The following SLC24A2 variants were observed in gnomAD, a reference collection of about 807,000 sequenced individuals.
SLC24A2 encodes sodium/potassium/calcium exchanger 2.
Under a neutral mutation model 62.0 loss-of-function variants are expected in SLC24A2, and 36 were observed. The observed-to-expected ratio is 0.58, with a 90% CI of 0.44 to 0.77. The LOEUF (loss-of-function observed/expected upper bound fraction) is 0.77, where lower values mean the gene tolerates loss of function less well. SLC24A2 is among the 30% of genes least tolerant of loss of function. The probability of loss-of-function intolerance (pLI) is 0.00; values close to 1 mark genes in which losing one functional copy is unlikely to be tolerated. For synonymous variants in SLC24A2, 358 were observed against 294.0 expected, an observed-to-expected ratio of 1.22 and a Z score of -2.23; for missense variants, 846 against 817.9, an observed-to-expected ratio of 1.03 and a Z score of -0.42.
chr9:19,966,454 T>C, the SLC24A2 span, among the ~76,000 whole-genome samples: 2 of 152,222 alleles, frequency 1.3e-5, no homozygotes, highest in East Asian at 3.8e-4. Context: ...TTAGAGCCAA[T>C]AATTTCTTGT....
intron 2 of SLC24A2, among the ~76,000 whole-genome samples, chr9:19,715,776 T>C (rs1205562519): frequency 6.6e-6 from 1 of 152,270 alleles, no homozygotes; most frequent in Non-Finnish European, 1.5e-5. Flanking sequence ...ATGCTGATTA[T>C]GTACAAAGCC....
At chr9:20,078,128 A>G in the SLC24A2 span, among the ~76,000 whole-genome samples, 2 of 152,106 alleles carry the variant, frequency 1.3e-5, no homozygotes, top group African/African-American at 2.4e-5. Context: ...TGATTAACCT[A>G]TAGGCTGCCC....
chr9:19,531,309 C>G (rs1833698467), intron 8 of SLC24A2, among the ~76,000 whole-genome samples: 1 of 152,186 alleles, frequency 6.6e-6, no homozygotes, highest in Admixed American at 6.5e-5. Flanking sequence ...CCAGTAGCAA[C>G]TGTACAGTCA....
chr9:19,859,621 T>C, the SLC24A2 span, among the ~76,000 whole-genome samples: 1 of 152,164 alleles, frequency 6.6e-6, no homozygotes, highest in African/African-American at 2.4e-5. Flanking sequence ...TAAATCACCT[T>C]GTAAGAACCA....
intron 2 of SLC24A2, among the ~76,000 whole-genome samples, chr9:19,686,602 C>T (rs1056537724): frequency 8.5e-5 from 13 of 152,070 alleles, no homozygotes; most frequent in Non-Finnish European, 1.9e-4. Flanking sequence ...AGTGAGTTCT[C>T]ACAAGATCTA....
At chr9:20,035,808 T>G in the SLC24A2 span, among the ~76,000 whole-genome samples, 1 of 152,070 alleles carries the variant, frequency 6.6e-6, no homozygotes. Context: ...CTTTGAAAGG[T>G]TTAAAAGTTG....
the SLC24A2 span, among the ~76,000 whole-genome samples, chr9:19,834,226 A>C: frequency 9.9e-4 from 151 of 152,308 alleles, no homozygotes; most frequent in Middle Eastern, 0.017. Flanking sequence ...CTGGATGGAG[A>C]ATGACTTTGA....
chr9:19,987,165 G>A, the SLC24A2 span, among the ~76,000 whole-genome samples: 3 of 152,098 alleles, frequency 2.0e-5, no homozygotes, highest in Non-Finnish European at 4.4e-5. Context: ...ATGGGGTTTG[G>A]AGTGTGGGGG....
chr9:20,293,210 G>A, the SLC24A2 span, among the ~76,000 whole-genome samples: 1 of 152,172 alleles, frequency 6.6e-6, no homozygotes, highest in African/African-American at 2.4e-5. Flanking sequence ...ATAATATCAA[G>A]TTCTGAGACA....
chr9:19,927,143 C>T, the SLC24A2 span: 1 of 152,280 alleles, frequency 6.6e-6, no homozygotes, highest in African/African-American at 2.4e-5. Context: ...GCAGAGAGTC[C>T]TGGAAGCCTG....
At chr9:20,032,514 T>C in the SLC24A2 span, among the ~76,000 whole-genome samples, 1 of 152,232 alleles carries the variant, frequency 6.6e-6, no homozygotes, top group Non-Finnish European at 1.5e-5. Context: ...ATGTAGCCAT[T>C]AGCATTTTGC....
the SLC24A2 span, among the ~76,000 whole-genome samples, chr9:20,211,525 T>C: frequency 3.3e-5 from 5 of 152,030 alleles, no homozygotes; most frequent in Admixed American, 3.3e-4. Context: ...AAAAGAATAA[T>C]AACAATAATA....
At chr9:19,789,308 G>C (rs866032265), upstream of SLC24A2, among the ~76,000 whole-genome samples, 2 of 152,268 alleles carry the variant, frequency 1.3e-5, no homozygotes, top group Non-Finnish European at 2.9e-5. Flanking sequence ...CACAAAGCCT[G>C]AAAGTGCTGT....
At chr9:20,263,474 C>T in the SLC24A2 span, among the ~76,000 whole-genome samples, 2 of 152,028 alleles carry the variant, frequency 1.3e-5, no homozygotes, top group Non-Finnish European at 2.9e-5. Flanking sequence ...GTCTCAAACT[C>T]CTGGAATCAA....
the SLC24A2 span, among the ~76,000 whole-genome samples, chr9:19,878,766 A>G: frequency 6.6e-6 from 1 of 152,010 alleles, no homozygotes; most frequent in African/African-American, 2.4e-5. Context: ...CATGCTTCCT[A>G]TACAGCCTGT....
At chr9:19,654,787 G>T (rs1818899207) in intron 2 of SLC24A2, among the ~76,000 whole-genome samples, 1 of 152,098 alleles carries the variant, frequency 6.6e-6, no homozygotes, top group Admixed American at 6.6e-5. Context: ...GCTTTGCCCA[G>T]TCCAGAGTTA....
chr9:19,690,630 C>A (rs1399901221), intron 2 of SLC24A2, among the ~76,000 whole-genome samples: 3 of 152,146 alleles, frequency 2.0e-5, no homozygotes, highest in African/African-American at 4.8e-5. Flanking sequence ...ATGGTACTGC[C>A]TGAGGCCTCC....
At chr9:20,269,926 A>C in the SLC24A2 span, among the ~76,000 whole-genome samples, 4 of 152,178 alleles carry the variant, frequency 2.6e-5, no homozygotes, top group African/African-American at 9.7e-5. Context: ...AGGCTTATTT[A>C]GCTCACAGTT....
chr9:20,052,008 T>C, the SLC24A2 span, among the ~76,000 whole-genome samples: 1 of 152,136 alleles, frequency 6.6e-6, no homozygotes, highest in East Asian at 1.9e-4. Context: ...ATAATCCATA[T>C]CAAGTGCTTA....
Sources: gnomAD v4.1 joint callset for allele counts (sites outside exome capture counted in the v4.1 genomes callset) on GRCh38, gnomAD v4.1.1 for gene constraint, MANE v1.5 for transcripts, NCBI Gene and HGNC (gene_info 2026-07-23, HGNC 2026-07-21) for gene names.